The following PVT1 variants were observed in gnomAD, a reference collection of about 807,000 sequenced individuals.
PVT1 encodes the protein CXCR4/PVT1 fusion.
chr8:127,959,325 G>A (rs544237181), intron 3 of PVT1, among the ~76,000 whole-genome samples: 13 of 152,268 alleles, frequency 8.5e-5, no homozygotes, highest in African/African-American at 2.9e-4. Context: ...GGTGGCTCAC[G>A]CCTGTAATCC....
intron 2 of PVT1, among the ~76,000 whole-genome samples, chr8:127,860,631 G>C (rs1215099511): frequency 6.6e-6 from 1 of 152,016 alleles, no homozygotes; most frequent in Non-Finnish European, 1.5e-5. Context: ...TGGGCGTGGT[G>C]GCACGTGCCT....
At chr8:127,881,429 GTTA>G (rs1290120813) in intron 2 of PVT1, among the ~76,000 whole-genome samples, 11 of 132,488 alleles carry the variant, frequency 8.3e-5, no homozygotes, top group African/African-American at 3.0e-4. Flanking sequence ...TAATATTATT[GTTA>G]TTATATTATT....
chr8:127,852,516 T>C (rs1815116095), intron 2 of PVT1, among the ~76,000 whole-genome samples: 1 of 152,244 alleles, frequency 6.6e-6, no homozygotes, highest in Non-Finnish European at 1.5e-5. Context: ...GATATTGACC[T>C]TTCTGGCTCT....
intron 2 of PVT1, among the ~76,000 whole-genome samples, chr8:127,849,237 G>A (rs371767185): frequency 2.0e-5 from 3 of 152,294 alleles, no homozygotes; most frequent in East Asian, 3.9e-4. Context: ...GGCTGAGGCT[G>A]TTTTCTGTTC....
At chr8:128,095,523 A>T (rs929557862) in intron 5 of PVT1, among the ~76,000 whole-genome samples, 1 of 152,226 alleles carries the variant, frequency 6.6e-6, no homozygotes, top group African/African-American at 2.4e-5. Flanking sequence ...GAATTGGCAC[A>T]CTATGGCCCA....
At chr8:128,060,739 T>C (rs1392796187) in intron 4 of PVT1, among the ~76,000 whole-genome samples, 3 of 152,214 alleles carry the variant, frequency 2.0e-5, no homozygotes, top group Admixed American at 2.0e-4. Context: ...GTCTTTACTC[T>C]TTTTGATTCT....
chr8:127,863,753 G>A (rs1357844337), intron 2 of PVT1, among the ~76,000 whole-genome samples: 2 of 152,172 alleles, frequency 1.3e-5, no homozygotes, highest in Non-Finnish European at 2.9e-5. Flanking sequence ...AGCCCAGAGG[G>A]GTAGAATGAC....
chr8:127,884,944 A>G (rs945749088), intron 2 of PVT1, among the ~76,000 whole-genome samples: 16 of 152,134 alleles, frequency 1.1e-4, no homozygotes, highest in Non-Finnish European at 2.2e-4. Context: ...AATGGATCCG[A>G]CCCCAACAGA....
At chr8:127,957,522 T>G (rs1309147885) in intron 3 of PVT1, among the ~76,000 whole-genome samples, 1 of 140,636 alleles carries the variant, frequency 7.1e-6, no homozygotes, top group Non-Finnish European at 1.5e-5. Context: ...GAGCCGAGAT[T>G]GCGCCACTGC....
At chr8:127,832,910 G>A (rs905880587) in intron 2 of PVT1, among the ~76,000 whole-genome samples, 1 of 152,076 alleles carries the variant, frequency 6.6e-6, no homozygotes, top group Non-Finnish European at 1.5e-5. Flanking sequence ...TAGAATTCAG[G>A]TATTGGGTAA....
intron 4 of PVT1, among the ~76,000 whole-genome samples, chr8:128,054,292 G>A (rs1310043394): frequency 4.1e-5 from 6 of 146,770 alleles, no homozygotes; most frequent in Admixed American, 2.7e-4. Context: ...CTTTGTAGTG[G>A]CAAAATGGGA....
At chr8:127,884,503 T>C (rs1274357038) in intron 2 of PVT1, among the ~76,000 whole-genome samples, 1 of 152,170 alleles carries the variant, frequency 6.6e-6, no homozygotes, top group Non-Finnish European at 1.5e-5. Flanking sequence ...AGCTGCAGGG[T>C]CATAGGGTTT....
intron 4 of PVT1, chr8:127,996,443 T>G (rs1429147797): frequency 6.6e-6 from 1 of 151,774 alleles, no homozygotes; most frequent in African/African-American, 2.4e-5. Flanking sequence ...TCCTGCATCC[T>G]GAGGAATTTT....
chr8:128,023,015 C>T (rs955940159), intron 4 of PVT1, among the ~76,000 whole-genome samples: 2 of 151,986 alleles, frequency 1.3e-5, no homozygotes, highest in Admixed American at 1.3e-4. Context: ...TACAGGAGTG[C>T]ACCACCACAC....
chr8:127,822,567 A>C (rs1814745428), intron 2 of PVT1, among the ~76,000 whole-genome samples: 1 of 152,146 alleles, frequency 6.6e-6, no homozygotes, highest in Non-Finnish European at 1.5e-5. Flanking sequence ...ACAGAGCAGG[A>C]CTCTGTCTCA....
chr8:127,808,676 G>A (rs987202762), intron 2 of PVT1, among the ~76,000 whole-genome samples: 1 of 152,086 alleles, frequency 6.6e-6, no homozygotes. Context: ...AGCTGGACTC[G>A]GCTCTAGCAG....
chr8:128,011,832 A>C (rs1006153974), intron 4 of PVT1, among the ~76,000 whole-genome samples: 4 of 152,322 alleles, frequency 2.6e-5, no homozygotes, highest in East Asian at 3.9e-4. Flanking sequence ...GTAGGCAAAC[A>C]GAAAGCAACT....
intron 3 of PVT1, among the ~76,000 whole-genome samples, chr8:127,970,522 ATCT>A (rs1816754245): frequency 6.6e-6 from 1 of 151,732 alleles, no homozygotes; most frequent in Non-Finnish European, 1.5e-5. Context: ...GATGGTCTTG[ATCT>A]TCTGGCCTCG....
intron 4 of PVT1, among the ~76,000 whole-genome samples, chr8:128,002,298 C>A (rs138263066): frequency 6.6e-6 from 1 of 152,294 alleles, no homozygotes; most frequent in East Asian, 1.9e-4. Context: ...TGTGATGAGC[C>A]ACTACTCTCC....
Sources: allele counts gnomAD v4.1 joint callset (sites outside exome capture counted in the v4.1 genomes callset), GRCh38; gene constraint gnomAD v4.1.1; transcripts MANE v1.5; gene names NCBI Gene and HGNC (gene_info 2026-07-23, HGNC 2026-07-21).